The following KMT2C variants were observed in gnomAD, a reference collection of about 807,000 sequenced individuals.
KMT2C encodes lysine methyltransferase 2C, also known as histone-lysine N-methyltransferase 2C.
A neutral mutation model predicts 507.9 loss-of-function variants in KMT2C; 88 were observed. The observed-to-expected ratio is 0.17, with a 90% CI of 0.15 to 0.21. KMT2C has a LOEUF of 0.21. KMT2C is among the 10% of genes least tolerant of loss of function. The probability of loss-of-function intolerance (pLI) is 1.00; values close to 1 mark genes in which losing one functional copy is unlikely to be tolerated. For missense variants in KMT2C, 4,954 were observed against 5,957.8 expected (o/e 0.83, Z 5.55); for synonymous variants, 2,049 against 2,080.8 (o/e 0.98, Z 0.42).
At chr7:152,326,028 G>T (rs1050463212) in intron 3 of KMT2C, among the ~76,000 whole-genome samples, 1 of 150,752 alleles carries the variant, frequency 6.6e-6, no homozygotes, top group Admixed American at 6.6e-5. Context: ...TATTAATCAT[G>T]TATCTGTATC....
chr7:152,393,636 G>A (rs1276062225), intron 1 of KMT2C, among the ~76,000 whole-genome samples: 10 of 151,704 alleles, frequency 6.6e-5, no homozygotes, highest in Non-Finnish European at 1.3e-4. Flanking sequence ...TCTGTTGGCC[G>A]AGCGCGGTGG....
intron 2 of KMT2C, among the ~76,000 whole-genome samples, chr7:152,357,606 T>C (rs1384323788): frequency 6.6e-6 from 1 of 151,356 alleles, no homozygotes; most frequent in African/African-American, 2.4e-5. Context: ...TAACAATATA[T>C]AGTACAGAAA....
chr7:152,174,675 G>A (rs148637542), intron 38 of KMT2C, among the ~76,000 whole-genome samples: 24 of 152,054 alleles, frequency 1.6e-4, no homozygotes, highest in East Asian at 1.2e-3. Flanking sequence ...AAGCTACTAC[G>A]AAAAAACCTA....
chr7:152,381,302 C>G (rs75212518), intron 1 of KMT2C, among the ~76,000 whole-genome samples: 750 of 101,940 alleles, frequency 7.4e-3, no homozygotes, highest in Middle Eastern at 0.015. Flanking sequence ...AATTTTTGCT[C>G]CCCAAGGGAC....
At chr7:152,312,438 A>G (rs910140380) in intron 4 of KMT2C, 1 of 152,420 alleles carries the variant, frequency 6.6e-6, no homozygotes, top group African/African-American at 2.4e-5. Context: ...AACCCACTAC[A>G]GAGTGTGAAA....
At position 152,159,013 on chromosome 7, in the gene KMT2C, T is replaced by A. The variant is rs747821479; in HGVS notation, c.11520A>T (p.Thr3840=). 1.0e-4 allele frequency: 162 copies of A among 1,614,124 alleles called. No individual in the cohort carries two copies. The highest frequency in any genetic ancestry group is 1.5e-4 in the South Asian group (14 of 91,088). Residue 3840 remains threonine, a synonymous_variant, in exon 44 of 59, where the codon ACA becomes ACT. Transcript: ENST00000262189. ...GFGCGNQLPK[T]DGGSETKKQR... ...GTTTCTTGGTTTCACTTCCTCCATC[T>A]GTTTTTGGCAACTGGTTGCCACATC...
chr7:152,324,650 C>T (rs1434388284), intron 3 of KMT2C, among the ~76,000 whole-genome samples: 1 of 151,808 alleles, frequency 6.6e-6, no homozygotes, highest in Non-Finnish European at 1.5e-5. Flanking sequence ...CTGGTAATGA[C>T]TTCATTTTCT....
intron 6 of KMT2C, among the ~76,000 whole-genome samples, chr7:152,290,383 T>G (rs2129186139): frequency 7.3e-6 from 1 of 136,708 alleles, no homozygotes; most frequent in East Asian, 2.5e-4. Context: ...CAATCTCGGC[T>G]CACTGCAACC....
chr7:152,218,242 G>A (rs1370976803), intron 23 of KMT2C, among the ~76,000 whole-genome samples: 5 of 152,082 alleles, frequency 3.3e-5, no homozygotes, highest in African/African-American at 1.2e-4. Context: ...TTGGCTCACT[G>A]CAACCTCTGC....
In KMT2C at chr7:152,279,449, A is replaced by T. The variant is rs1217960142; in HGVS notation, c.850-5582T>A. Among the ~76,000 whole-genome samples the T allele has an allele frequency of 7.2e-5, 11 of 152,322 alleles. No individual in the cohort carries two copies. The East Asian group carries it at 2.1e-3, about 29-fold the overall frequency. ...TGAGATTCACAATCTAGGGAAGTAA[A>T]CCCACCCTAATACTGTGTTTATTAA... On this transcript the variant is annotated intron_variant, in intron 6 of 58. Coordinates refer to ENST00000262189, the MANE Select transcript of KMT2C (RefSeq NM_170606.3).
intron 47 of KMT2C, 51 bp from the exon 48 acceptor site, chr7:152,154,197 A>T (rs373115930): frequency 1.2e-6 from 2 of 1,611,012 alleles, no homozygotes; most frequent in Non-Finnish European, 1.7e-6. Flanking sequence ...GGATTTTCAA[A>T]ATCAAAATAT....
intron 23 of KMT2C, among the ~76,000 whole-genome samples, chr7:152,219,214 C>T (rs948591358): frequency 4.6e-5 from 7 of 152,156 alleles, no homozygotes; most frequent in African/African-American, 1.7e-4. Flanking sequence ...AAGTGATCTA[C>T]CTACCTCGGC....
At chr7:152,315,400 C>T (rs1010560487) in intron 3 of KMT2C, 62 bp from the exon 4 acceptor site, 8 of 1,167,726 alleles carry the variant, frequency 6.9e-6, no homozygotes, top group African/African-American at 4.6e-5. Context: ...CTGCTTTAAG[C>T]GATAACTATA....
intron 9 of KMT2C, among the ~76,000 whole-genome samples, chr7:152,259,446 G>GCACACACACACACACACACA (rs372982101): frequency 9.7e-5 from 13 of 134,688 alleles, no homozygotes; most frequent in Non-Finnish European, 1.9e-4. Flanking sequence ...ACACACACGC[G>GCACACACACACACACACACA]CACACACACA....
chr7:152,221,039 C>A (rs1213696291), intron 22 of KMT2C, among the ~76,000 whole-genome samples: 1 of 152,080 alleles, frequency 6.6e-6, no homozygotes, highest in Admixed American at 6.5e-5. Context: ...AGGCAGATCA[C>A]GAGGTCATGA....
chr7:152,198,700 C>G (rs2094039074), intron 27 of KMT2C, among the ~76,000 whole-genome samples: 1 of 151,980 alleles, frequency 6.6e-6, no homozygotes, highest in Admixed American at 6.6e-5. Flanking sequence ...TTTTGCCCAC[C>G]AAAACCAAAA....
intron 25 of KMT2C, among the ~76,000 whole-genome samples, chr7:152,203,467 TAAAG>T (rs1184161144): frequency 6.6e-6 from 1 of 152,064 alleles, no homozygotes; most frequent in Non-Finnish European, 1.5e-5. Context: ...ACAAAAACCT[TAAAG>T]AAAAAGTGTG....
chr7:152,373,552 G>A (rs949338608), intron 1 of KMT2C, among the ~76,000 whole-genome samples: 2 of 152,296 alleles, frequency 1.3e-5, no homozygotes, highest in Middle Eastern at 3.4e-3. Flanking sequence ...GTGTCATTAA[G>A]CTAAGTGATA....
Position 152,135,946 on chromosome 7 carries a change from AAC to A in KMT2C, c.*884_*885del, listed in dbSNP as rs1445671290. 1 of 228,926 alleles carries A rather than the reference AAC, an allele frequency of 4.4e-6. No individual in the cohort carries two copies. Among genetic ancestry groups the A allele is most frequent in the African/African-American group, 2.2e-5 (1 of 45,098 alleles). The allele number at this position is 228,926 out of a possible 1,614,324, so 14.2% of individuals were successfully genotyped here. A position where few individuals can be genotyped will look rare whatever the true frequency, so the allele number is the denominator to read the frequency against. ...ACATAATTATAATGGCATATTTTAT[AAC>A]ACAAAATTATATTGTAACATCCCTA... is the stretch of plus-strand genomic sequence containing the variant. On this transcript the variant is annotated 3_prime_UTR_variant, in exon 59 of 59. Transcript: ENST00000262189.
Sources: gnomAD v4.1 joint callset for allele counts (sites outside exome capture counted in the v4.1 genomes callset) on GRCh38, gnomAD v4.1.1 for gene constraint, MANE v1.5 for transcripts, NCBI Gene and HGNC (gene_info 2026-07-23, HGNC 2026-07-21) for gene names.